TEAD2: variants seen among roughly 807,000 people sequenced by gnomAD.
TEAD2 encodes transcriptional enhancer factor TEF-4.
TEAD2 carries 51 observed loss-of-function variants against 61.4 expected under a neutral mutation model. That is an observed-to-expected ratio of 0.83 (90% CI 0.66 to 1.05). The LOEUF is 1.05. Ranked by LOEUF, TEAD2 falls within the 50% of genes least tolerant of loss-of-function variation. The pLI is 0.00. For synonymous variants in TEAD2, 244 were observed against 243.2 expected (o/e 1.00, Z -0.03); for missense variants, 509 against 600.0 (o/e 0.85, Z 1.58).
At chr19:49,346,508 T>C (rs1177864340) in intron 10 of TEAD2, among the ~76,000 whole-genome samples, 1 of 151,914 alleles carries the variant, frequency 6.6e-6, no homozygotes, top group Non-Finnish European at 1.5e-5. Flanking sequence ...TATACAAAAA[T>C]TAGCCAGATG....
intron 7 of TEAD2, among the ~76,000 whole-genome samples, chr19:49,353,068 T>C (rs1296923906): frequency 3.3e-5 from 5 of 152,134 alleles, no homozygotes; most frequent in East Asian, 1.9e-4. Flanking sequence ...TCGTGTGCTA[T>C]TGTGTCTGCC....
chr19:49,350,997 G>A (rs1971983678), intron 8 of TEAD2, among the ~76,000 whole-genome samples: 1 of 151,960 alleles, frequency 6.6e-6, no homozygotes, highest in African/African-American at 2.4e-5. Flanking sequence ...TGGTCAACAT[G>A]GTGAAACCCG....
chr19:49,358,617 C>T (rs1428683713), intron 3 of TEAD2, among the ~76,000 whole-genome samples: 1 of 151,706 alleles, frequency 6.6e-6, no homozygotes, highest in East Asian at 1.9e-4. Flanking sequence ...CAAAATAAAG[C>T]TCTTTTCTTT....
intron 1 of TEAD2, among the ~76,000 whole-genome samples, chr19:49,360,609 G>A (rs1201259964): frequency 6.6e-6 from 1 of 152,132 alleles, no homozygotes; most frequent in Non-Finnish European, 1.5e-5. Context: ...AAAGTTAGTG[G>A]TGGGGAAGGA....
At chr19:49,356,817 C>T (rs1371148341) in intron 4 of TEAD2, among the ~76,000 whole-genome samples, 2 of 152,122 alleles carry the variant, frequency 1.3e-5, no homozygotes, top group African/African-American at 4.8e-5. Context: ...CCCAGGGTCT[C>T]AGCAACCGCA....
intron 1 of TEAD2, among the ~76,000 whole-genome samples, chr19:49,361,241 C>CAG (rs773093268): frequency 7.8e-5 from 3 of 38,280 alleles, no homozygotes; most frequent in Non-Finnish European, 1.4e-4. Context: ...GACAGAGACC[C>CAG]AGAGAGAGGG....
Position 49,355,983 on chromosome 19 carries a change from G to T in TEAD2, c.361-13C>A, listed in dbSNP as rs1972365475. ...CCACGTTCAGAGCCTGCCCGTGGGGGTGGGGGAGGGTGCCAAAGGAGGAAA... is the reference window on the plus strand; with the variant it reads ...CCACGTTCAGAGCCTGCCCGTGGGGTTGGGGGAGGGTGCCAAAGGAGGAAA... On this transcript the variant is annotated splice_polypyrimidine_tract_variant and intron_variant, in intron 4 of 12. Transcript: ENST00000593945. 4.0e-6 allele frequency: 5 copies of T among 1,254,548 alleles called. No homozygotes were observed. Among genetic ancestry groups the T allele is most frequent in the Middle Eastern group, 2.1e-4 (1 of 4,804 alleles). 77.7% of individuals were successfully genotyped at this position (1,254,548 alleles called of 1,614,324 possible).
intron 7 of TEAD2, 101 bp from the exon 8 acceptor site, chr19:49,351,466 T>C: frequency 9.0e-7 from 1 of 1,110,064 alleles, no homozygotes; most frequent in Non-Finnish European, 1.3e-6. Context: ...CCTGTGCATT[T>C]TGTGCACAAT....
At chr19:49,354,500 T>C (rs1309426806) in intron 7 of TEAD2, among the ~76,000 whole-genome samples, 2 of 147,156 alleles carry the variant, frequency 1.4e-5, no homozygotes, top group Non-Finnish European at 3.0e-5. Flanking sequence ...GAATATCCTG[T>C]ATAAAAAAAG....
Position 49,341,509 on chromosome 19 carries a change from G to T in TEAD2, c.1243-72C>A. 1 of 1,241,198 alleles carries T rather than the reference G, an allele frequency of 8.1e-7. No homozygotes were observed. The highest frequency in any genetic ancestry group is 1.2e-6 in the Non-Finnish European group (1 of 854,008). 76.9% of individuals were successfully genotyped at this position (1,241,198 alleles called of 1,614,324 possible). ...AGGGACCCCTGTGCCCCCCTGCCAA[G>T]CTATCATGGAATACCCAGCAGGCTC... On this transcript the variant is annotated intron_variant, in intron 12 of 12. Coordinates refer to ENST00000593945, the MANE Select transcript of TEAD2 (RefSeq NM_001256660.2). This position sits in a 1 kb window ranked among gnomAD's most constrained non-coding sequence, Gnocchi z 4.2.
intron 10 of TEAD2, among the ~76,000 whole-genome samples, chr19:49,345,830 A>G (rs571954579): frequency 9.9e-5 from 15 of 152,044 alleles, no homozygotes; most frequent in Non-Finnish European, 1.6e-4. Context: ...GGAGTTCGAG[A>G]CCAGACTGGC....
intron 6 of TEAD2, 29 bp downstream of exon 6, chr19:49,355,283 C>G (rs778716365): frequency 2.1e-5 from 34 of 1,613,892 alleles, no homozygotes; most frequent in Non-Finnish European, 2.9e-5. Context: ...CCTTTGCCCC[C>G]ACGTCCCACA....
At chr19:49,356,783 C>G (rs1362237903) in intron 4 of TEAD2, among the ~76,000 whole-genome samples, 1 of 152,072 alleles carries the variant, frequency 6.6e-6, no homozygotes, top group Non-Finnish European at 1.5e-5. Flanking sequence ...AAACCTTCAG[C>G]CTCCTCCATG....
chr19:49,347,380 G>T lies in TEAD2; in HGVS notation c.748-17C>A, dbSNP rs370067700. On this transcript the variant is annotated splice_polypyrimidine_tract_variant and intron_variant, in intron 9 of 12. Transcript: ENST00000593945. ...CCTCTGGTACTGAGGAGGGTTGGCC[G>T]TGGGTGAGAAGTCGGAGGTGAGCTG... 1 of 1,600,234 alleles carries T rather than the reference G, an allele frequency of 6.2e-7. No individual in the cohort carries two copies. The highest frequency in any genetic ancestry group is 2.2e-5 in the East Asian group (1 of 44,734).
Position 49,359,846 on chromosome 19 carries a change from T to A in TEAD2, c.230A>T (p.Tyr77Phe), listed in dbSNP as rs755055453. Residue 77 changes from tyrosine to phenylalanine, a missense_variant and splice_region_variant, in exon 2 of 13, where the codon TAT (tyrosine) becomes TTT (phenylalanine). Transcript: ENST00000593945. The surrounding 1 kb of genome is among the most constrained non-coding windows in gnomAD (Gnocchi z 4.1). ...KIILSDEGKM[Y>F]GRNELIARYI... The stretch of plus-strand genomic sequence containing the variant: ...GCAAAAGACAGAAGTAGACTCACCA[T>A]ACATCTTGCCTTCATCAGACAAAAT... The A allele has an allele frequency of 9.9e-6, 16 of 1,613,496 alleles. No individual in the cohort carries two copies. Among genetic ancestry groups the A allele is most frequent in the Non-Finnish European group, 1.2e-5 (14 of 1,179,952 alleles).
intron 10 of TEAD2, among the ~76,000 whole-genome samples, chr19:49,346,868 G>T (rs1472023503): frequency 6.6e-6 from 1 of 152,184 alleles, no homozygotes; most frequent in Non-Finnish European, 1.5e-5. Flanking sequence ...GTGCAGTCAG[G>T]TGGGGCACAG....
Position 49,341,395 on chromosome 19 carries a change from C to T in TEAD2, c.1285G>A (p.Ala429Thr), listed in dbSNP as rs895961306. The T allele has an allele frequency of 2.7e-5, 43 of 1,613,878 alleles. No homozygotes were observed. The highest frequency in any genetic ancestry group is 3.6e-5 in the Non-Finnish European group (42 of 1,179,946). ...CTGGTGGAGACCTCGAAGACATAGGCGGTGCAGAGCAGCAGTTCCTGGGTG... is the reference window on the plus strand; with the variant it reads ...CTGGTGGAGACCTCGAAGACATAGGTGGTGCAGAGCAGCAGTTCCTGGGTG... ...RDTQELLLCT[A>T]YVFEVSTSER... The change falls in exon 13 of 13, where the codon GCC becomes ACC. Residue 429 changes from alanine to threonine, a missense_variant. Ala to Thr is a moderately conservative substitution (Grantham distance 58). Transcript: ENST00000593945. The surrounding 1 kb of genome is among the most constrained non-coding windows in gnomAD (Gnocchi z 4.2).
intron 1 of TEAD2, chr19:49,360,499 A>G (rs995121339): frequency 1.0e-5 from 2 of 199,514 alleles, no homozygotes; most frequent in Non-Finnish European, 2.0e-5. Context: ...GAGGAACTCA[A>G]TTGTGATGAA....
chr19:49,345,712 C>T (rs1319126488), intron 10 of TEAD2, among the ~76,000 whole-genome samples: 1 of 152,040 alleles, frequency 6.6e-6, no homozygotes, highest in African/African-American at 2.4e-5. Context: ...AGAACTAGCA[C>T]CCCCTAAACA....
Sources: allele counts gnomAD v4.1 joint callset (sites outside exome capture counted in the v4.1 genomes callset), GRCh38; gene constraint gnomAD v4.1.1; non-coding constraint Gnocchi (gnomAD v3.1); transcripts MANE v1.5; gene names NCBI Gene and HGNC (gene_info 2026-07-23, HGNC 2026-07-21).